GRIK2: variants seen among roughly 807,000 people sequenced by gnomAD.
GRIK2 encodes glutamate receptor ionotropic, kainate 2.
GRIK2 carries 32 observed loss-of-function variants against 100.3 expected under a neutral mutation model. That is an observed-to-expected ratio of 0.32 (90% CI 0.24 to 0.43). The LOEUF (loss-of-function observed/expected upper bound fraction) is 0.43, where lower values mean the gene tolerates loss of function less well. Among genes scored for constraint, GRIK2 ranks in the 20% least tolerant of loss-of-function variants. The probability of loss-of-function intolerance (pLI) is 1.00; values close to 1 mark genes in which losing one functional copy is unlikely to be tolerated. For missense variants in GRIK2, 843 were observed against 1,114.9 expected, an observed-to-expected ratio of 0.76 and a Z score of 3.47; for synonymous variants, 417 against 389.4, an observed-to-expected ratio of 1.07 and a Z score of -0.83.
intron 10 of GRIK2, among the ~76,000 whole-genome samples, chr6:101,845,090 A>G (rs1277985660): frequency 6.6e-6 from 1 of 151,928 alleles, no homozygotes; most frequent in Non-Finnish European, 1.5e-5. Context: ...GTGCTATCAT[A>G]GCTGACTGCA....
At chr6:101,796,364 C>T (rs1338079933) in intron 7 of GRIK2, among the ~76,000 whole-genome samples, 1 of 152,060 alleles carries the variant, frequency 6.6e-6, no homozygotes, top group Non-Finnish European at 1.5e-5. Flanking sequence ...TAAGAGAAGG[C>T]ACATTTTTGT....
intron 2 of GRIK2, among the ~76,000 whole-genome samples, chr6:101,541,226 G>A (rs1775967198): frequency 6.6e-6 from 1 of 151,966 alleles, no homozygotes; most frequent in Non-Finnish European, 1.5e-5. Context: ...TGGTAGGAGA[G>A]GAGAACCAAG....
intron 4 of GRIK2, among the ~76,000 whole-genome samples, chr6:101,663,667 A>C (rs1327670487): frequency 1.3e-5 from 2 of 152,222 alleles, no homozygotes; most frequent in Non-Finnish European, 2.9e-5. Flanking sequence ...ACAACCATTA[A>C]ATCAAAATAT....
intron 10 of GRIK2, among the ~76,000 whole-genome samples, chr6:101,819,298 C>G (rs1288114992): frequency 6.6e-6 from 1 of 152,142 alleles, no homozygotes; most frequent in African/African-American, 2.4e-5. Flanking sequence ...CTACCATGAA[C>G]ATTTAGCATT....
intron 15 of GRIK2, among the ~76,000 whole-genome samples, chr6:102,052,503 C>T (rs867232635): frequency 3.9e-5 from 6 of 152,078 alleles, no homozygotes; most frequent in African/African-American, 1.4e-4. Context: ...AAAAGTCAAG[C>T]GGTGTCTCAC....
chr6:101,478,707 G>A (rs1359407947), intron 2 of GRIK2, among the ~76,000 whole-genome samples: 1 of 151,416 alleles, frequency 6.6e-6, no homozygotes, highest in African/African-American at 2.4e-5. Flanking sequence ...TGTATTTTTA[G>A]TAAAGACGGG....
At chr6:101,417,861 C>T (rs551730959) in intron 2 of GRIK2, among the ~76,000 whole-genome samples, 2 of 152,314 alleles carry the variant, frequency 1.3e-5, no homozygotes, top group South Asian at 4.1e-4. Context: ...TTGAATGTCA[C>T]TTTTCTTATT....
intron 2 of GRIK2, among the ~76,000 whole-genome samples, chr6:101,583,729 G>T (rs968648343): frequency 3.4e-4 from 51 of 152,170 alleles, no homozygotes; most frequent in African/African-American, 1.2e-3. Context: ...AAAAAAACTT[G>T]TTTAGTGATA....
rs1050491484 is a variant in GRIK2 at position 102,034,721 on chromosome 6, C to A, written c.2086-620C>A. ...GGCCTGAATAATAGATTTCTGAAGT[C>A]CAGCTTAAAGAAGTACTGAGGTGAT... On this transcript the variant is annotated intron_variant, in intron 14 of 16. Transcript: ENST00000369134. Among the ~76,000 whole-genome samples the A allele has an allele frequency of 2.0e-5, 3 of 151,216 alleles. No individual in the cohort carries two copies. The East Asian group carries it at 5.8e-4, about 29-fold the overall frequency.
intron 10 of GRIK2, among the ~76,000 whole-genome samples, chr6:101,855,493 C>A (rs1784376786): frequency 6.6e-6 from 1 of 151,992 alleles, no homozygotes; most frequent in South Asian, 2.1e-4. Context: ...GAGAAAACAA[C>A]CATGTGAAGA....
intron 2 of GRIK2, among the ~76,000 whole-genome samples, chr6:101,615,745 CATCTTGTTTA>C (rs1197003359): frequency 6.6e-6 from 1 of 151,656 alleles, no homozygotes; most frequent in Admixed American, 6.6e-5. Flanking sequence ...GAAAGAAAAA[CATCTTGTTTA>C]AAATCATGTG....
intron 2 of GRIK2, among the ~76,000 whole-genome samples, chr6:101,432,233 G>A (rs2128243281): frequency 6.6e-6 from 1 of 151,996 alleles, no homozygotes; most frequent in East Asian, 1.9e-4. Context: ...ATATTTTTCT[G>A]CCACCCCTAG....
At chr6:101,802,903 A>G (rs1156860103) in intron 9 of GRIK2, among the ~76,000 whole-genome samples, 2 of 151,846 alleles carry the variant, frequency 1.3e-5, no homozygotes, top group African/African-American at 2.4e-5. Context: ...TAACTAGGGT[A>G]TATACATAAA....
At chr6:101,891,256 C>T (rs75390670) in intron 12 of GRIK2, among the ~76,000 whole-genome samples, 44 of 151,736 alleles carry the variant, frequency 2.9e-4, no homozygotes, top group East Asian at 5.8e-4. Flanking sequence ...TGGTTGCTCA[C>T]GCCTGTAATC....
At chr6:101,916,750 G>A (rs2791784) in intron 12 of GRIK2, among the ~76,000 whole-genome samples, 142,148 of 151,684 alleles carry the variant, frequency 0.94, 66,641 homozygotes, top group Middle Eastern at 0.97. Flanking sequence ...TTCAGAATGA[G>A]ACAATATAGC....
At chr6:101,533,219 T>C (rs1302682804) in intron 2 of GRIK2, among the ~76,000 whole-genome samples, 1 of 151,876 alleles carries the variant, frequency 6.6e-6, no homozygotes, top group African/African-American at 2.4e-5. Context: ...CAGGGGATGC[T>C]CTTCCTATTT....
intron 2 of GRIK2, among the ~76,000 whole-genome samples, chr6:101,437,765 T>G (rs1412010302): frequency 6.6e-6 from 1 of 152,018 alleles, no homozygotes; most frequent in Non-Finnish European, 1.5e-5. Context: ...GCCCGTAAAA[T>G]AGGGAGAGAT....
rs185557392 is a variant in GRIK2, at chr6:102,015,119, G to T, written c.2086-20222G>T. Among the ~76,000 whole-genome samples the T allele has an allele frequency of 6.0e-3, 907 of 152,084 alleles. 6 individuals carry two copies. Among genetic ancestry groups the T allele is most frequent in the Non-Finnish European group, 9.9e-3 (674 of 67,980 alleles). ...AAAAACTTGATTTAGGAATCTGGGT[G>T]CTCCTATGTTGGGTGCATGTATATT... On this transcript the variant is annotated intron_variant, in intron 14 of 16. Transcript: ENST00000369134.
chr6:101,494,889 G>T (rs1194443086), intron 2 of GRIK2, among the ~76,000 whole-genome samples: 6 of 150,344 alleles, frequency 4.0e-5, no homozygotes, highest in African/African-American at 1.5e-4. Context: ...AGCTGAGATT[G>T]AGCCAATGTC....
Sources: allele counts gnomAD v4.1 joint callset (sites outside exome capture counted in the v4.1 genomes callset), GRCh38; gene constraint gnomAD v4.1.1; transcripts MANE v1.5; gene names NCBI Gene and HGNC (gene_info 2026-07-23, HGNC 2026-07-21).